FAM169A: variants seen among roughly 807,000 people sequenced by gnomAD.
The protein encoded by FAM169A is family with sequence similarity 169 member A.
Under a neutral mutation model 75.7 loss-of-function variants are expected in FAM169A, and 24 were observed. That is an observed-to-expected ratio of 0.32 (90% CI 0.23 to 0.45). The LOEUF (loss-of-function observed/expected upper bound fraction) is 0.45, where lower values mean the gene tolerates loss of function less well. FAM169A is among the 20% of genes least tolerant of loss of function. FAM169A has a pLI of 1.00. For synonymous variants in FAM169A, 271 were observed against 271.0 expected (o/e 1.00, Z 0.00); for missense variants, 673 against 784.0 (o/e 0.86, Z 1.69).
At chr5:74,812,678 G>A (rs1747265479) in intron 6 of FAM169A, among the ~76,000 whole-genome samples, 1 of 151,990 alleles carries the variant, frequency 6.6e-6, no homozygotes, top group South Asian at 2.1e-4. Flanking sequence ...GATCTGAACA[G>A]ATTTCTCCAA....
intron 3 of FAM169A, 108 bp from the exon 4 acceptor site, chr5:74,839,158 A>C (rs1383059282): frequency 7.7e-6 from 6 of 778,400 alleles, no homozygotes; most frequent in Non-Finnish European, 1.3e-5. Context: ...ATTTAAGAGT[A>C]TCTATATAAA....
chr5:74,832,574 TAC>T (rs1748369694), intron 5 of FAM169A, among the ~76,000 whole-genome samples: 2 of 150,482 alleles, frequency 1.3e-5, no homozygotes, highest in Non-Finnish European at 1.5e-5. Context: ...AAATATTACA[TAC>T]ATATCAGTAT....
Position 74,866,330 on chromosome 5 carries a change from C to T in FAM169A, c.-169G>A. 1 of 984,428 alleles carries T rather than the reference C, an allele frequency of 1.0e-6. No individual in the cohort carries two copies. Among genetic ancestry groups the T allele is most frequent in the East Asian group, 1.1e-4 (1 of 8,788 alleles). 61.0% of individuals were successfully genotyped at this position (984,428 alleles called of 1,614,324 possible). A position where few individuals can be genotyped will look rare whatever the true frequency, so the allele number is the denominator to read the frequency against. ...CTGCCTCCCGCTCGCCCCGGACGCC[C>T]GGCTCCTCGTCGCGGGTCGGCCGCG... On this transcript the variant is annotated 5_prime_UTR_variant, in exon 1 of 13. Transcript: ENST00000687041.
At chr5:74,793,093 G>C (rs962161972) in intron 11 of FAM169A, among the ~76,000 whole-genome samples, 1 of 152,016 alleles carries the variant, frequency 6.6e-6, no homozygotes, top group Non-Finnish European at 1.5e-5. Flanking sequence ...TTGGGAGGCC[G>C]AGGTGGGTGG....
upstream of FAM169A, chr5:74,866,849 G>C (rs1750374399): frequency 3.0e-6 from 3 of 985,454 alleles, no homozygotes; most frequent in South Asian, 9.4e-5. Context: ...CCCGGCCTCG[G>C]GACAGGGGTG....
chr5:74,791,661 C>G (rs1019945241), intron 11 of FAM169A, among the ~76,000 whole-genome samples: 60 of 152,160 alleles, frequency 3.9e-4, no homozygotes, highest in African/African-American at 1.4e-3. Flanking sequence ...CTTGGGGTGT[C>G]TCTTAGTATT....
chr5:74,821,996 A>C (rs1460975438), intron 5 of FAM169A, among the ~76,000 whole-genome samples: 1 of 152,142 alleles, frequency 6.6e-6, no homozygotes, highest in Non-Finnish European at 1.5e-5. Flanking sequence ...TTCACCTCAG[A>C]GTAGTCTCCA....
chr5:74,866,400 C>T (rs1750351260), upstream of FAM169A: 2 of 982,692 alleles, frequency 2.0e-6, no homozygotes, highest in South Asian at 4.7e-5. Flanking sequence ...CGCCGCAGCG[C>T]CTCCAGCCTT....
chr5:74,798,733 G>C (rs1746407418), intron 10 of FAM169A, among the ~76,000 whole-genome samples: 1 of 152,192 alleles, frequency 6.6e-6, no homozygotes, highest in Non-Finnish European at 1.5e-5. Flanking sequence ...TTCAAAGAAA[G>C]AGGATAAAGC....
At chr5:74,796,769 G>A (rs970557443) in intron 10 of FAM169A, among the ~76,000 whole-genome samples, 2 of 151,432 alleles carry the variant, frequency 1.3e-5, no homozygotes, top group African/African-American at 4.9e-5. Context: ...CTATTAGAAT[G>A]AGCATATATC....
chr5:74,809,747 G>A (rs971659339), intron 6 of FAM169A, among the ~76,000 whole-genome samples: 1 of 152,158 alleles, frequency 6.6e-6, no homozygotes, highest in African/African-American at 2.4e-5. Context: ...AAAATCTTTA[G>A]TCTTCAGGAA....
intron 1 of FAM169A, among the ~76,000 whole-genome samples, chr5:74,854,310 G>T (rs1324150567): frequency 6.6e-6 from 1 of 152,056 alleles, no homozygotes; most frequent in East Asian, 1.9e-4. Context: ...CAGGAGAACT[G>T]CTTGAACCTA....
Position 74,799,009 on chromosome 5 carries a change from T to G in FAM169A, c.1103+1871A>C. On this transcript the variant is annotated intron_variant, in intron 10 of 12. Coordinates refer to ENST00000687041, the MANE Select transcript of FAM169A (RefSeq NM_001376049.1). The stretch of plus-strand genomic sequence containing the variant: ...ACTAAGAATAATGTCACTGCATCAG[T>G]TTTTACTAGAGCCAATCAACTGTCG... 3 of 1,194,632 alleles carry G rather than the reference T, an allele frequency of 2.5e-6. No homozygotes were observed. In the South Asian group the frequency reaches 3.6e-5, roughly 14 times the overall value. The allele number at this position is 1,194,632 out of a possible 1,614,324, so 74.0% of individuals were successfully genotyped here.
intron 1 of FAM169A, among the ~76,000 whole-genome samples, chr5:74,847,894 C>T (rs1400797658): frequency 6.6e-6 from 1 of 152,074 alleles, no homozygotes; most frequent in Non-Finnish European, 1.5e-5. Flanking sequence ...AACCCTGTGT[C>T]CCAGAGTCTG....
chr5:74,842,043 G>C (rs72764681), intron 1 of FAM169A, among the ~76,000 whole-genome samples: 2 of 151,370 alleles, frequency 1.3e-5, no homozygotes, highest in African/African-American at 4.9e-5. Flanking sequence ...AAGGACACGA[G>C]AACTTGTTGG....
intron 1 of FAM169A, among the ~76,000 whole-genome samples, chr5:74,851,740 A>G (rs908871125): frequency 1.3e-5 from 2 of 152,206 alleles, no homozygotes; most frequent in African/African-American, 4.8e-5. Context: ...TTTATAAATC[A>G]GCAGTGTACA....
chr5:74,797,415 G>A (rs1746335597), intron 10 of FAM169A, among the ~76,000 whole-genome samples: 2 of 152,108 alleles, frequency 1.3e-5, no homozygotes, highest in South Asian at 2.1e-4. Context: ...GACCTGAGGT[G>A]ATCCACCTGC....
intron 6 of FAM169A, among the ~76,000 whole-genome samples, chr5:74,808,558 T>C (rs1747008406): frequency 6.6e-6 from 1 of 152,010 alleles, no homozygotes; most frequent in Non-Finnish European, 1.5e-5. Flanking sequence ...ATATAGACAG[T>C]GGTGATGGGT....
intron 1 of FAM169A, among the ~76,000 whole-genome samples, chr5:74,863,123 G>A (rs1750127969): frequency 1.3e-5 from 2 of 151,628 alleles, no homozygotes; most frequent in South Asian, 2.1e-4. Context: ...CCCCTATACA[G>A]AGCATGTAAA....
Sources: gnomAD v4.1 joint callset for allele counts (sites outside exome capture counted in the v4.1 genomes callset) on GRCh38, gnomAD v4.1.1 for gene constraint, MANE v1.5 for transcripts, NCBI Gene and HGNC (gene_info 2026-07-23, HGNC 2026-07-21) for gene names.